PACRG: variants seen among roughly 807,000 people sequenced by gnomAD.
The protein encoded by PACRG is parkin coregulated, also known as parkin coregulated gene protein.
In PACRG, 29 loss-of-function variants were observed where a neutral mutation model predicts 29.7. That is an observed-to-expected ratio of 0.98 (90% CI 0.73 to 1.33). The LOEUF (loss-of-function observed/expected upper bound fraction) is 1.33, where lower values mean the gene tolerates loss of function less well. Ranked by LOEUF, PACRG falls within the 40% of genes most tolerant of loss-of-function variation. The probability of loss-of-function intolerance (pLI) is 0.00; values close to 1 mark genes in which losing one functional copy is unlikely to be tolerated. For missense variants in PACRG, 279 were observed against 316.2 expected, an observed-to-expected ratio of 0.88 and a Z score of 0.89; for synonymous variants, 116 against 118.7, an observed-to-expected ratio of 0.98 and a Z score of 0.15.
intron 1 of PACRG, among the ~76,000 whole-genome samples, chr6:162,783,982 CTT>C (rs1285409225): frequency 3.3e-5 from 5 of 152,114 alleles, no homozygotes; most frequent in African/African-American, 7.2e-5. Context: ...ACATTTTACT[CTT>C]ATGAATTGGA....
chr6:163,224,476 T>C (rs1295495262), intron 4 of PACRG, among the ~76,000 whole-genome samples: 2 of 145,658 alleles, frequency 1.4e-5, no homozygotes. Flanking sequence ...GGTGCTGGCA[T>C]AAAAACAGAC....
rs113201300 is a variant in PACRG, at chr6:162,900,075, C to T, written c.291+85794C>T. On this transcript the variant is annotated intron_variant, in intron 2 of 4. Coordinates refer to ENST00000366888, the MANE Select transcript of PACRG (RefSeq NM_001080379.2). ...GTTCCTTATGGTCAGACCGGAACAT[C>T]GTAATGCTCCCTCGAGAACTGATGC... Among the ~76,000 whole-genome samples the T allele has an allele frequency of 5.1e-3, 778 of 152,148 alleles. 12 individuals are homozygous for T. The highest frequency in any genetic ancestry group is 0.018 in the African/African-American group (745 of 41,488).
chr6:163,248,708 A>G (rs1465560761), intron 4 of PACRG, among the ~76,000 whole-genome samples: 1 of 152,196 alleles, frequency 6.6e-6, no homozygotes, highest in Non-Finnish European at 1.5e-5. Context: ...GCCTTGAGTA[A>G]GCAATGACAT....
intron 2 of PACRG, among the ~76,000 whole-genome samples, chr6:162,939,976 C>T (rs1798502372): frequency 1.3e-5 from 2 of 152,084 alleles, no homozygotes; most frequent in South Asian, 4.1e-4. Context: ...AAAGTATTTT[C>T]TCAAATGAAG....
At chr6:163,013,418 T>G (rs1805798927) in intron 2 of PACRG, among the ~76,000 whole-genome samples, 1 of 150,770 alleles carries the variant, frequency 6.6e-6, no homozygotes, top group East Asian at 1.9e-4. Flanking sequence ...ATAACATGAT[T>G]AAGAATATCA....
chr6:163,132,943 A>G (rs1816794992), intron 4 of PACRG, among the ~76,000 whole-genome samples: 1 of 152,188 alleles, frequency 6.6e-6, no homozygotes, highest in African/African-American at 2.4e-5. Context: ...ATTTCTAGGA[A>G]ATTTTTATTG....
intron 1 of PACRG, among the ~76,000 whole-genome samples, chr6:162,785,726 A>T (rs1337330059): frequency 6.6e-6 from 1 of 152,204 alleles, no homozygotes; most frequent in East Asian, 1.9e-4. Context: ...AGAGAATCTA[A>T]TGCTACCACT....
intron 2 of PACRG, among the ~76,000 whole-genome samples, chr6:162,841,764 T>C (rs1257393276): frequency 2.6e-5 from 4 of 151,840 alleles, no homozygotes; most frequent in Admixed American, 1.3e-4. Context: ...CACACTGCTT[T>C]GAATGCATCC....
intron 4 of PACRG, chr6:163,166,125 GTTTCTGGGCAGCGTC>G (rs751799465): frequency 1.5e-5 from 7 of 456,148 alleles, no homozygotes; most frequent in Non-Finnish European, 3.1e-5. Context: ...TTGGCGCGGG[GTTTCTGGGCAGCGTC>G]GCTTGCGCCC....
intron 1 of PACRG, among the ~76,000 whole-genome samples, chr6:162,766,770 A>T (rs1008975245): frequency 6.6e-6 from 1 of 152,118 alleles, no homozygotes; most frequent in Non-Finnish European, 1.5e-5. Context: ...TAATATGTTC[A>T]TATTTTAAAT....
rs568528934 is a variant in PACRG at position 162,769,669 on chromosome 6, C to T, written c.156+41278C>T. On this transcript the variant is annotated intron_variant, in intron 1 of 4. Transcript: ENST00000366888. ...ATAAACATTGATAAATTGTGAGCAG[C>T]GATCTTTACCTTAGCTCTGAATGTC... Among the ~76,000 whole-genome samples the T allele has an allele frequency of 1.1e-4, 16 of 151,484 alleles. No homozygotes were observed. The South Asian group carries it at 3.3e-3, about 32-fold the overall frequency.
At chr6:163,015,248 T>C (rs1409995160) in intron 2 of PACRG, among the ~76,000 whole-genome samples, 1 of 152,224 alleles carries the variant, frequency 6.6e-6, no homozygotes, top group Non-Finnish European at 1.5e-5. Context: ...TTTGTTACTA[T>C]AGCCTTGCAG....
intron 4 of PACRG, among the ~76,000 whole-genome samples, chr6:163,145,801 C>T (rs2128336270): frequency 6.6e-6 from 1 of 152,306 alleles, no homozygotes; most frequent in South Asian, 2.1e-4. Flanking sequence ...TACTTACCTA[C>T]ATTAGCAGAA....
At chr6:162,864,844 G>C (rs1792160506) in intron 2 of PACRG, among the ~76,000 whole-genome samples, 1 of 152,140 alleles carries the variant, frequency 6.6e-6, no homozygotes, top group African/African-American at 2.4e-5. Flanking sequence ...GACGTTTGTT[G>C]TGAGCAAGTT....
At chr6:162,829,723 T>A (rs1169713925) in intron 2 of PACRG, among the ~76,000 whole-genome samples, 2 of 152,168 alleles carry the variant, frequency 1.3e-5, no homozygotes, top group African/African-American at 4.8e-5. Context: ...AAGGATGTTC[T>A]TTTTCTCCGG....
chr6:163,311,525 T>C (rs937911250), intron 4 of PACRG, among the ~76,000 whole-genome samples: 3 of 152,212 alleles, frequency 2.0e-5, no homozygotes, highest in Non-Finnish European at 4.4e-5. Flanking sequence ...CTCAAAAAAC[T>C]GTCAATGTAG....
intron 2 of PACRG, among the ~76,000 whole-genome samples, chr6:162,899,282 C>T (rs976995891): frequency 5.3e-5 from 8 of 152,146 alleles, no homozygotes; most frequent in Non-Finnish European, 1.0e-4. Flanking sequence ...AGTACACTCT[C>T]ACCAGGCAGT....
At chr6:162,987,369 A>G (rs996104478) in intron 2 of PACRG, among the ~76,000 whole-genome samples, 3 of 152,148 alleles carry the variant, frequency 2.0e-5, no homozygotes, top group Non-Finnish European at 4.4e-5. Flanking sequence ...TCTCCCAGCC[A>G]TGGATACCAG....
chr6:163,295,380 C>T (rs1324491906), intron 4 of PACRG, among the ~76,000 whole-genome samples: 1 of 152,180 alleles, frequency 6.6e-6, no homozygotes, highest in Non-Finnish European at 1.5e-5. Context: ...CTTGGCCACA[C>T]CGACACTGAG....
Sources: allele counts gnomAD v4.1 joint callset (sites outside exome capture counted in the v4.1 genomes callset), GRCh38; gene constraint gnomAD v4.1.1; transcripts MANE v1.5; gene names NCBI Gene and HGNC (gene_info 2026-07-23, HGNC 2026-07-21).